Variants in LRRC9 observed in about 807,000 individuals in gnomAD.
LRRC9 encodes the protein leucine rich repeat containing 9, also known as leucine-rich repeat-containing protein 9.
A neutral mutation model predicts 63.2 loss-of-function variants in LRRC9; 122 were observed. The ratio of observed to expected loss-of-function variants is 1.93; its 90% CI spans 1.67 to 2.24. The LOEUF (loss-of-function observed/expected upper bound fraction) is 2.24. Among genes scored for constraint, LRRC9 ranks in the 30% most tolerant of loss-of-function variants. The pLI is 0.00. For synonymous variants in LRRC9, 366 were observed against 213.1 expected (o/e 1.72, Z -6.25); for missense variants, 1,071 against 627.7 (o/e 1.71, Z -7.55).
At chr14:60,011,387 T>G (rs1367415897) in intron 23 of LRRC9, among the ~76,000 whole-genome samples, 1 of 152,208 alleles carries the variant, frequency 6.6e-6, no homozygotes, top group Admixed American at 6.5e-5. Context: ...ATTATTACAA[T>G]TCAAGATGAG....
intron 22 of LRRC9, chr14:60,006,885 T>G: frequency 4.4e-6 from 1 of 227,670 alleles, no homozygotes; most frequent in South Asian, 1.0e-4. Flanking sequence ...CTTAGCATTC[T>G]CCTGTTCTCA....
intron 8 of LRRC9, among the ~76,000 whole-genome samples, chr14:59,946,776 G>A (rs1229414985): frequency 1.4e-5 from 2 of 147,292 alleles, no homozygotes; most frequent in East Asian, 2.0e-4. Context: ...TTCTTCTTGC[G>A]ATAGTTTACT....
intron 29 of LRRC9, among the ~76,000 whole-genome samples, chr14:60,047,411 T>C (rs1164598490): frequency 6.6e-6 from 1 of 151,858 alleles, no homozygotes; most frequent in Non-Finnish European, 1.5e-5. Flanking sequence ...AAGAGATCCA[T>C]CTCACATGCA....
intron 12 of LRRC9, among the ~76,000 whole-genome samples, chr14:59,968,679 T>G (rs1471470295): frequency 1.3e-5 from 2 of 152,140 alleles, no homozygotes; most frequent in Non-Finnish European, 2.9e-5. Flanking sequence ...GCAGAGTGAA[T>G]TGCTCACATT....
intron 29 of LRRC9, among the ~76,000 whole-genome samples, chr14:60,039,490 G>C (rs1334956981): frequency 2.0e-5 from 3 of 152,126 alleles, no homozygotes; most frequent in Non-Finnish European, 4.4e-5. Context: ...GTTTAGTCTT[G>C]GGAGGGTGTG....
At chr14:59,991,493 G>A (rs886361043) in intron 17 of LRRC9, among the ~76,000 whole-genome samples, 3 of 152,260 alleles carry the variant, frequency 2.0e-5, no homozygotes, top group Middle Eastern at 3.4e-3. Context: ...GCAGCACACC[G>A]AGCGTGAGCC....
chr14:59,953,048 C>T (rs1022118173), intron 8 of LRRC9, among the ~76,000 whole-genome samples: 1 of 152,182 alleles, frequency 6.6e-6, no homozygotes, highest in African/African-American at 2.4e-5. Context: ...TTTCTTTATC[C>T]AGTCTATCAC....
At chr14:59,996,254 C>T (rs1220324287) in intron 17 of LRRC9, among the ~76,000 whole-genome samples, 2 of 151,616 alleles carry the variant, frequency 1.3e-5, no homozygotes, top group Non-Finnish European at 2.9e-5. Context: ...AATATCCTTT[C>T]GTTCAAGAAA....
At chr14:59,999,168 T>A (rs1173968612) in exon 19 of LRRC9, 4 of 701,444 alleles carry the variant, frequency 5.7e-6, no homozygotes, top group Non-Finnish European at 1.0e-5. Flanking sequence ...GGAGTCTTCA[T>A]TTCTGAAGAA....
intron 23 of LRRC9, among the ~76,000 whole-genome samples, chr14:60,014,988 T>C (rs1436068843): frequency 6.6e-6 from 1 of 151,944 alleles, no homozygotes; most frequent in Non-Finnish European, 1.5e-5. Context: ...ATTTTCTCTC[T>C]TTTGTTCATA....
At chr14:60,022,556 A>T (rs1474493624) in intron 26 of LRRC9, among the ~76,000 whole-genome samples, 178 bp from the exon 27 acceptor site, 1 of 151,726 alleles carries the variant, frequency 6.6e-6, no homozygotes, top group Non-Finnish European at 1.5e-5. Flanking sequence ...CATTCTTTTT[A>T]AAGAATAAGT....
In LRRC9 at chr14:59,982,030, T is replaced by C. The variant is rs1886983995; in HGVS notation, c.2061T>C (p.Leu687=). ...TGGATGATAAAACAATACTTTCCCTTGCAAAGACTAGCGTTTACAGTCATA... is the reference window on the plus strand; with the variant it reads ...TGGATGATAAAACAATACTTTCCCTCGCAAAGACTAGCGTTTACAGTCATA... The change falls in exon 16 of 32, where the codon CTT becomes CTC. Residue 687 remains leucine, a synonymous_variant. Coordinates refer to ENST00000445360, the Ensembl canonical transcript of LRRC9. 5 of 702,210 alleles carry C rather than the reference T, an allele frequency of 7.1e-6. No individual in the cohort carries two copies. The East Asian group carries it at 1.3e-4, about 19-fold the overall frequency. 43.5% of individuals were successfully genotyped at this position (702,210 alleles called of 1,614,324 possible). A position where few individuals can be genotyped will look rare whatever the true frequency, so the allele number is the denominator to read the frequency against.
rs1024491356 is a variant in LRRC9 at position 60,053,404 on chromosome 14, CACACACACACACACACAT to C, written c.4131+201_4131+218del. On this transcript the variant is annotated intron_variant, in intron 30 of 31. Transcript: ENST00000445360. This position sits in a 1 kb window ranked among gnomAD's most constrained non-coding sequence, Gnocchi z 4.8. ...GTGCTCACACACACACACACACACA[CACACACACACACACACAT>C]ATATATGTAAGTCAGGGAACATCCT... Among the ~76,000 whole-genome samples, 3 of 79,584 alleles carry C rather than the reference CACACACACACACACACAT, an allele frequency of 3.8e-5. No homozygotes were observed. The highest frequency in any genetic ancestry group is 3.4e-4 in the South Asian group (1 of 2,920). 52.2% of individuals were successfully genotyped at this position (79,584 alleles called of 152,430 possible).
intron 2 of LRRC9, 106 bp downstream of exon 2, chr14:59,928,097 A>G (rs919653306): frequency 1.7e-6 from 1 of 595,812 alleles, no homozygotes; most frequent in African/African-American, 1.9e-5. Context: ...CATTTCCTCT[A>G]CCTAGTGACT....
chr14:59,931,158 T>C, intron 4 of LRRC9, 100 bp downstream of exon 4: 1 of 304,390 alleles, frequency 3.3e-6, no homozygotes, highest in Non-Finnish European at 6.0e-6. Flanking sequence ...GGCCAAACTA[T>C]TCTTGACTAG....
chr14:59,944,728 G>C (rs1882160719), exon 8 of LRRC9: 1 of 666,644 alleles, frequency 1.5e-6, no homozygotes, highest in South Asian at 1.7e-5. Context: ...AAATTATTCA[G>C]CTTTGTGAAG....
At chr14:60,052,232 G>C (rs992452680) in intron 29 of LRRC9, among the ~76,000 whole-genome samples, 23 of 152,216 alleles carry the variant, frequency 1.5e-4, no homozygotes, top group African/African-American at 5.1e-4. Flanking sequence ...AAGAAGGAAG[G>C]AAGGAACTCT....
intron 8 of LRRC9, among the ~76,000 whole-genome samples, chr14:59,957,478 C>T (rs1244147283): frequency 5.3e-5 from 8 of 152,076 alleles, no homozygotes; most frequent in Non-Finnish European, 1.2e-4. Flanking sequence ...TCAGCTCCAT[C>T]AGGTCATTTA....
intron 29 of LRRC9, among the ~76,000 whole-genome samples, chr14:60,038,169 C>CTGTTTGGTA (rs1892614281): frequency 7.9e-5 from 12 of 152,082 alleles, no homozygotes; most frequent in Admixed American, 7.9e-4. Flanking sequence ...GTTACTGTAG[C>CTGTTTGGTA]CTTGTAGTAT....
Sources: allele counts gnomAD v4.1 joint callset (sites outside exome capture counted in the v4.1 genomes callset), GRCh38; gene constraint gnomAD v4.1.1; non-coding constraint Gnocchi (gnomAD v3.1); transcripts MANE v1.5; gene names NCBI Gene and HGNC (gene_info 2026-07-23, HGNC 2026-07-21).